Variants in NWD2 observed in about 807,000 individuals in gnomAD.
NWD2 encodes NACHT and WD repeat domain-containing protein 2.
NWD2 carries 37 observed loss-of-function variants against 132.7 expected under a neutral mutation model. The observed-to-expected ratio is 0.28, with a 90% CI of 0.21 to 0.37. NWD2 has a LOEUF of 0.37. Ranked by LOEUF, NWD2 falls within the 10% of genes least tolerant of loss-of-function variation. NWD2 has a pLI of 1.00. For missense variants in NWD2, 1,592 were observed against 2,122.4 expected (o/e 0.75, Z 4.91); for synonymous variants, 705 against 803.0 (o/e 0.88, Z 2.06).
chr4:37,419,331 T>C (rs574797469), intron 3 of NWD2, among the ~76,000 whole-genome samples: 1 of 152,318 alleles, frequency 6.6e-6, no homozygotes, highest in South Asian at 2.1e-4. Context: ...ATTCAGGACA[T>C]AGGCATGGGC....
At position 37,444,671 on chromosome 4, in the gene NWD2, A is replaced by G; in HGVS notation, c.2683A>G (p.Thr895Ala). 6.4e-7 allele frequency: 1 copy of G among 1,551,936 alleles called. No individual in the cohort carries two copies. The highest frequency in any genetic ancestry group is 8.7e-7 in the Non-Finnish European group (1 of 1,147,060). ...QEKELKFLAN[T>A]LRSIKNKVTA... The stretch of plus-strand genomic sequence containing the variant: ...GAAGGAGCTGAAGTTCCTGGCCAAC[A>G]CCCTCCGCAGCATCAAAAACAAGGT... Residue 895 changes from threonine (T) to alanine (A), a missense_variant, in exon 7 of 7, where the codon ACC (threonine) becomes GCC (alanine). Thr to Ala is a moderately conservative substitution (Grantham distance 58, BLOSUM62 0). Transcript: ENST00000309447. This position sits in a 1 kb window ranked among gnomAD's most constrained non-coding sequence, Gnocchi z 4.8.
intron 3 of NWD2, among the ~76,000 whole-genome samples, chr4:37,373,279 A>C (rs1434191865): frequency 6.6e-6 from 1 of 152,162 alleles, no homozygotes; most frequent in Non-Finnish European, 1.5e-5. Context: ...TCTCTTTCTA[A>C]TATTTTCCTT....
chr4:37,279,450 T>TA (rs1292402849), intron 1 of NWD2, among the ~76,000 whole-genome samples: 1 of 152,218 alleles, frequency 6.6e-6, no homozygotes, highest in Non-Finnish European at 1.5e-5. Flanking sequence ...TGTAAGTGAA[T>TA]ATCAGTTGAT....
intron 1 of NWD2, among the ~76,000 whole-genome samples, chr4:37,253,490 A>G (rs1275002413): frequency 6.6e-6 from 1 of 152,188 alleles, no homozygotes; most frequent in African/African-American, 2.4e-5. Context: ...GCAGATGGGC[A>G]GAGATTGTCT....
intron 3 of NWD2, among the ~76,000 whole-genome samples, chr4:37,422,030 T>C (rs1711823716): frequency 6.6e-6 from 1 of 152,196 alleles, no homozygotes. Context: ...TAGGGCTCCA[T>C]TCTTATGACT....
intron 1 of NWD2, among the ~76,000 whole-genome samples, chr4:37,271,701 C>G (rs1299643099): frequency 6.6e-6 from 1 of 151,882 alleles, no homozygotes; most frequent in South Asian, 2.1e-4. Context: ...ATTACATCCA[C>G]TTATTTTACT....
chr4:37,394,818 T>G (rs1240875794), intron 3 of NWD2, among the ~76,000 whole-genome samples: 14 of 129,354 alleles, frequency 1.1e-4, no homozygotes, highest in East Asian at 4.5e-4. Flanking sequence ...TTTTTTTTTT[T>G]TTTTTTTTTT....
chr4:37,405,489 T>TAGAATAGAAA (rs1218262750), intron 3 of NWD2, among the ~76,000 whole-genome samples: 1 of 123,908 alleles, frequency 8.1e-6, no homozygotes, highest in African/African-American at 3.0e-5. Flanking sequence ...TAGAATAGAA[T>TAGAATAGAAA]AGAAAACATC....
rs1712596278 is a variant in NWD2, at chr4:37,445,063, G to T, written c.3075G>T (p.Val1025=). The change falls in exon 7 of 7, where the codon GTG becomes GTT. Residue 1025 remains valine, a synonymous_variant. Coordinates refer to ENST00000309447, the MANE Select transcript of NWD2 (RefSeq NM_001144990.2). The surrounding 1 kb of genome is among the most constrained non-coding windows in gnomAD (Gnocchi z 4.7). ...MKLTSDEKYL[V]VATTNNTLLI... is the part of the protein sequence containing the mutation. Reference sequence around the variant, plus strand: ...TCACCAGTGATGAAAAGTACCTTGTGGTGGCTACAACAAATAACACCTTGT... The same window carrying T: ...TCACCAGTGATGAAAAGTACCTTGTTGTGGCTACAACAAATAACACCTTGT... 1.3e-6 allele frequency: 2 copies of T among 1,551,786 alleles called. No homozygotes were observed. The highest frequency in any genetic ancestry group is 8.7e-7 in the Non-Finnish European group (1 of 1,147,024).
At chr4:37,272,340 T>TA (rs1210234645) in intron 1 of NWD2, among the ~76,000 whole-genome samples, 2 of 151,656 alleles carry the variant, frequency 1.3e-5, no homozygotes, top group African/African-American at 2.4e-5. Flanking sequence ...CACCTCTATT[T>TA]AAAAAAATAG....
At chr4:37,392,753 C>T (rs893146254) in intron 3 of NWD2, among the ~76,000 whole-genome samples, 9 of 152,204 alleles carry the variant, frequency 5.9e-5, no homozygotes, top group Non-Finnish European at 1.3e-4. Context: ...CTGCACACTG[C>T]AGGGCACTCA....
At chr4:37,246,922 T>C (rs1321752012) in intron 1 of NWD2, among the ~76,000 whole-genome samples, 1 of 152,222 alleles carries the variant, frequency 6.6e-6, no homozygotes, top group Non-Finnish European at 1.5e-5. Flanking sequence ...TACTATCAGC[T>C]TAATATTGAG....
intron 3 of NWD2, among the ~76,000 whole-genome samples, chr4:37,429,977 C>T (rs938699126): frequency 2.0e-5 from 3 of 152,024 alleles, no homozygotes; most frequent in Admixed American, 6.6e-5. Context: ...GACATAAAGG[C>T]TGAGTACATA....
chr4:37,351,857 C>T (rs1462043545), intron 2 of NWD2, among the ~76,000 whole-genome samples: 1 of 152,182 alleles, frequency 6.6e-6, no homozygotes, highest in East Asian at 1.9e-4. Flanking sequence ...AGCTATGTCC[C>T]AGAGATTCTG....
rs547831905 is a variant in NWD2, at chr4:37,439,960, A to C, written c.1296+570A>C. 4.6e-5 allele frequency among the ~76,000 whole-genome samples: 7 copies of C among 152,308 alleles called. No homozygotes were observed. The South Asian group carries it at 1.5e-3, about 32-fold the overall frequency. On this transcript the variant is annotated intron_variant, in intron 6 of 6. Coordinates refer to ENST00000309447, the MANE Select transcript of NWD2 (RefSeq NM_001144990.2). The surrounding 1 kb of genome is among the most constrained non-coding windows in gnomAD (Gnocchi z 4.5). ...AAGTCACAGTTTAGGGGATATGGGA[A>C]AGGTAAGGTGGCCAGAAAGTTATTA...
chr4:37,301,217 T>C (rs1038505755), intron 1 of NWD2, among the ~76,000 whole-genome samples: 1 of 152,136 alleles, frequency 6.6e-6, no homozygotes, highest in Non-Finnish European at 1.5e-5. Context: ...AGGTAATCTG[T>C]ATTTTTTCTC....
intron 1 of NWD2, among the ~76,000 whole-genome samples, chr4:37,248,630 C>A (rs953431184): frequency 2.0e-5 from 3 of 152,222 alleles, no homozygotes; most frequent in Admixed American, 1.3e-4. Context: ...GATTTTAAAA[C>A]CCACATAAAA....
intron 3 of NWD2, among the ~76,000 whole-genome samples, chr4:37,406,041 A>C (rs1720996096): frequency 6.8e-6 from 1 of 146,632 alleles, no homozygotes; most frequent in Non-Finnish European, 1.5e-5. Flanking sequence ...TTATGAAAAA[A>C]TTCTCTGAAG....
At chr4:37,266,831 C>T (rs1717761566) in intron 1 of NWD2, among the ~76,000 whole-genome samples, 1 of 152,000 alleles carries the variant, frequency 6.6e-6, no homozygotes, top group South Asian at 2.1e-4. Context: ...CCACTCAGCA[C>T]CTTATTCTGT....
Sources: gnomAD v4.1 joint callset for allele counts (sites outside exome capture counted in the v4.1 genomes callset) on GRCh38, gnomAD v4.1.1 for gene constraint, Gnocchi (gnomAD v3.1) non-coding constraint, MANE v1.5 for transcripts, NCBI Gene and HGNC (gene_info 2026-07-23, HGNC 2026-07-21) for gene names.